The following EPHB2 variants were observed in gnomAD, a reference collection of about 807,000 sequenced individuals.
EPHB2 encodes ephrin type-B receptor 2.
In EPHB2, 18 loss-of-function variants were observed where a neutral mutation model predicts 96.4. The observed-to-expected ratio is 0.19, with a 90% CI of 0.13 to 0.28. The LOEUF is 0.28. EPHB2 is among the 10% of genes least tolerant of loss of function. The pLI is 1.00. For synonymous variants in EPHB2, 506 were observed against 534.1 expected (o/e 0.95, Z 0.72); for missense variants, 989 against 1,355.4 (o/e 0.73, Z 4.25).
intron 5 of EPHB2, among the ~76,000 whole-genome samples, chr1:22,872,019 G>GA (rs35319777): frequency 0.89 from 130,605 of 147,134 alleles, 59,585 homozygotes; most frequent in East Asian, 0.99. Flanking sequence ...CCATCTCAAA[G>GA]AAAAAAAAAA....
intron 6 of EPHB2, among the ~76,000 whole-genome samples, chr1:22,885,349 C>T (rs575940237): frequency 1.6e-4 from 25 of 152,266 alleles, no homozygotes; most frequent in South Asian, 4.1e-4. Flanking sequence ...CCTACCACAG[C>T]GGGCAGGCCT....
intron 6 of EPHB2, among the ~76,000 whole-genome samples, chr1:22,888,198 C>T (rs1017856596): frequency 3.3e-5 from 5 of 152,148 alleles, no homozygotes; most frequent in African/African-American, 4.8e-5. Flanking sequence ...TGTGCCACCA[C>T]GCTCGGCTAA....
intron 3 of EPHB2, among the ~76,000 whole-genome samples, chr1:22,803,816 A>T (rs1369973925): frequency 2.6e-5 from 4 of 150,950 alleles, no homozygotes; most frequent in African/African-American, 4.9e-5. Context: ...AGGGAGGCTG[A>T]GGTGGGAAGA....
At chr1:22,711,407 G>A (rs1016620061) in intron 1 of EPHB2, among the ~76,000 whole-genome samples, 1 of 149,580 alleles carries the variant, frequency 6.7e-6, no homozygotes, top group Non-Finnish European at 1.5e-5. Flanking sequence ...GGAGGGGCGC[G>A]GGCCCGGCCG....
chr1:22,834,775 A>C (rs1645355422), intron 3 of EPHB2, among the ~76,000 whole-genome samples: 1 of 151,694 alleles, frequency 6.6e-6, no homozygotes, highest in Non-Finnish European at 1.5e-5. Flanking sequence ...AAAATACAAA[A>C]AGTAGCCAGG....
In EPHB2 at chr1:22,913,730, A is replaced by G; in HGVS notation, c.*160A>G. Reference sequence around the variant, plus strand: ...GTGCCAGCCACGAGACGTCACCAAGAAAACATGCAACTCAAACGACGGAAA... The same window carrying G: ...GTGCCAGCCACGAGACGTCACCAAGGAAACATGCAACTCAAACGACGGAAA... On this transcript the variant is annotated 3_prime_UTR_variant, in exon 16 of 16. Coordinates refer to ENST00000374630, the MANE Select transcript of EPHB2 (RefSeq NM_017449.5). This position sits in a 1 kb window ranked among gnomAD's most constrained non-coding sequence, Gnocchi z 4.1. 6.2e-7 allele frequency: 1 copy of G among 1,603,854 alleles called. No individual in the cohort carries two copies. Among genetic ancestry groups the G allele is most frequent in the South Asian group, 1.1e-5 (1 of 89,458 alleles).
intron 3 of EPHB2, among the ~76,000 whole-genome samples, chr1:22,793,230 CA>C (rs1260101037): frequency 1.3e-5 from 2 of 152,206 alleles, no homozygotes; most frequent in African/African-American, 4.8e-5. Context: ...ATTTTTCACT[CA>C]AATACCACTT....
At chr1:22,804,585 C>T (rs1407872906) in intron 3 of EPHB2, among the ~76,000 whole-genome samples, 1 of 152,044 alleles carries the variant, frequency 6.6e-6, no homozygotes, top group Non-Finnish European at 1.5e-5. Flanking sequence ...TCCTTAGCCC[C>T]TCTAGGAACC....
intron 6 of EPHB2, among the ~76,000 whole-genome samples, chr1:22,892,150 T>C (rs1008966654): frequency 6.6e-6 from 1 of 152,036 alleles, no homozygotes; most frequent in African/African-American, 2.4e-5. Context: ...AGCATCATTT[T>C]CCCATCTGGA....
chr1:22,721,205 C>T (rs1428211092), intron 1 of EPHB2, among the ~76,000 whole-genome samples: 1 of 152,134 alleles, frequency 6.6e-6, no homozygotes. Flanking sequence ...ACAGGCTGGC[C>T]CCAGAGCACA....
At chr1:22,824,955 C>T (rs1214319638) in intron 3 of EPHB2, among the ~76,000 whole-genome samples, 1 of 152,204 alleles carries the variant, frequency 6.6e-6, no homozygotes, top group African/African-American at 2.4e-5. Context: ...TCCTCTGCAG[C>T]CCTGCGGGAA....
chr1:22,722,472 GGTT>G (rs1643489310), intron 1 of EPHB2, among the ~76,000 whole-genome samples: 1 of 152,206 alleles, frequency 6.6e-6, no homozygotes, highest in South Asian at 2.1e-4. Flanking sequence ...GGGAAGTTGA[GGTT>G]CAATGACTTA....
At chr1:22,796,282 C>T (rs758863095) in intron 3 of EPHB2, among the ~76,000 whole-genome samples, 1 of 152,064 alleles carries the variant, frequency 6.6e-6, no homozygotes, top group Non-Finnish European at 1.5e-5. Context: ...GCCCCCATGG[C>T]TGGGGGGCCA....
At chr1:22,904,054 G>A (rs1362663324) in intron 9 of EPHB2, among the ~76,000 whole-genome samples, 1 of 152,328 alleles carries the variant, frequency 6.6e-6, no homozygotes, top group African/African-American at 2.4e-5. Context: ...TCGGGAGGCC[G>A]AGGCAAGTGG....
chr1:22,740,119 A>G (rs1257606117), intron 1 of EPHB2, among the ~76,000 whole-genome samples: 2 of 152,112 alleles, frequency 1.3e-5, no homozygotes, highest in Non-Finnish European at 2.9e-5. Flanking sequence ...CTTGTACTCA[A>G]CCTGAGGTCC....
rs373865135 is a variant in EPHB2, at chr1:22,892,956, G to A, written c.1501G>A (p.Gly501Ser). 9.5e-5 allele frequency: 153 copies of A among 1,614,094 alleles called. No homozygotes were observed. The highest frequency in any genetic ancestry group is 1.0e-4 in the Non-Finnish European group (121 of 1,180,052). ...GGTCACCGTGCAGGGCCTCAAAGCCGGCGCCATCTATGTCTTCCAGGTGCG... is the reference window on the plus strand; with the variant it reads ...GGTCACCGTGCAGGGCCTCAAAGCCAGCGCCATCTATGTCTTCCAGGTGCG... ...NTVTVQGLKA[G>S]AIYVFQVRAR... is the part of the protein sequence containing the mutation. Residue 501 changes from glycine (G) to serine (S), a missense_variant, in exon 7 of 16, where the codon GGC (glycine) becomes AGC (serine). Physicochemically the swap from Gly to Ser is moderately conservative, Grantham distance 56 (BLOSUM62 0). Transcript: ENST00000374630.
intron 1 of EPHB2, among the ~76,000 whole-genome samples, chr1:22,720,660 T>TCCCCCCCCCCCC (rs916713865): frequency 1.0e-4 from 6 of 57,380 alleles, no homozygotes; most frequent in Non-Finnish European, 1.4e-4. Flanking sequence ...GAAATCTCAT[T>TCCCCCCCCCCCC]CCCCCCCCCC....
Position 22,860,823 on chromosome 1 carries a change from C to G in EPHB2, c.812-2214C>G, listed in dbSNP as rs572571160. ...GACTGCTCGACCAGAGCTGGGGCTG[C>G]AGCCTGCATGTCCTGACTGCCCAGA... is the stretch of plus-strand genomic sequence containing the variant. On this transcript the variant is annotated intron_variant, in intron 3 of 15. Coordinates refer to ENST00000374630, the MANE Select transcript of EPHB2 (RefSeq NM_017449.5). This position sits in a 1 kb window ranked among gnomAD's most constrained non-coding sequence, Gnocchi z 4.6. Among the ~76,000 whole-genome samples, 4 of 152,270 alleles carry G rather than the reference C, an allele frequency of 2.6e-5. No individual in the cohort carries two copies. The East Asian group carries it at 7.7e-4, about 29-fold the overall frequency.
rs1010937571 is a variant in EPHB2, at chr1:22,898,561, C to T, written c.1765+2083C>T. ...AGGCTCAGCAAAGCCTTGGCTTTTC[C>T]CTGAGTGAAATGGGGAGCTGCTGGA... On this transcript the variant is annotated intron_variant, in intron 9 of 15. Coordinates refer to ENST00000374630, the MANE Select transcript of EPHB2 (RefSeq NM_017449.5). Among the ~76,000 whole-genome samples the T allele has an allele frequency of 3.9e-5, 6 of 152,230 alleles. No homozygotes were observed. The East Asian group carries it at 1.2e-3, about 29-fold the overall frequency.
Sources: gnomAD v4.1 joint callset for allele counts (sites outside exome capture counted in the v4.1 genomes callset) on GRCh38, gnomAD v4.1.1 for gene constraint, Gnocchi (gnomAD v3.1) non-coding constraint, MANE v1.5 for transcripts, NCBI Gene and HGNC (gene_info 2026-07-23, HGNC 2026-07-21) for gene names.